Variants in RBPJ observed in about 807,000 individuals in gnomAD.
RBPJ encodes the protein recombination signal binding protein for immunoglobulin kappa J region.
RBPJ carries 9 observed loss-of-function variants against 67.8 expected under a neutral mutation model. The ratio of observed to expected loss-of-function variants is 0.13; its 90% CI spans 0.08 to 0.23. RBPJ has a LOEUF of 0.23. Ranked by LOEUF, RBPJ falls within the 10% of genes least tolerant of loss-of-function variation. RBPJ has a pLI of 1.00. For synonymous variants in RBPJ, 198 were observed against 203.3 expected (o/e 0.97, Z 0.22); for missense variants, 305 against 595.6 (o/e 0.51, Z 5.08).
intron 1 of RBPJ, among the ~76,000 whole-genome samples, chr4:26,342,522 C>T (rs1379481133): frequency 6.6e-6 from 1 of 152,190 alleles, no homozygotes; most frequent in East Asian, 1.9e-4. Flanking sequence ...AGCATTTCCC[C>T]TCCTCATTCC....
intron 1 of RBPJ, among the ~76,000 whole-genome samples, chr4:26,223,925 T>G (rs1718997847): frequency 6.6e-6 from 1 of 152,212 alleles, no homozygotes; most frequent in Admixed American, 6.5e-5. Context: ...CTCTATGACC[T>G]TGGCAAATTA....
At chr4:26,289,264 G>T (rs1019867202) in intron 1 of RBPJ, among the ~76,000 whole-genome samples, 2 of 149,184 alleles carry the variant, frequency 1.3e-5, no homozygotes. Flanking sequence ...GGGCACAGTG[G>T]CAGGTGCCTG....
chr4:26,368,398 T>C (rs1054996996), intron 1 of RBPJ, among the ~76,000 whole-genome samples: 2 of 152,192 alleles, frequency 1.3e-5, no homozygotes, highest in Non-Finnish European at 2.9e-5. Flanking sequence ...ATTGCTTTTT[T>C]TCCCCCTTAA....
intron 4 of RBPJ, among the ~76,000 whole-genome samples, chr4:26,417,094 CAG>C (rs1734668569): frequency 6.6e-6 from 1 of 152,174 alleles, no homozygotes; most frequent in African/African-American, 2.4e-5. Context: ...TAGGAAGTCT[CAG>C]AGTTATATGT....
chr4:26,256,605 C>A (rs953550987), intron 1 of RBPJ, among the ~76,000 whole-genome samples: 20 of 152,130 alleles, frequency 1.3e-4, no homozygotes, highest in African/African-American at 4.8e-4. Context: ...CTTACATCAT[C>A]CCTTATTTCA....
At chr4:26,134,016 G>A in the RBPJ span, among the ~76,000 whole-genome samples, 2 of 151,682 alleles carry the variant, frequency 1.3e-5, no homozygotes, top group Admixed American at 6.6e-5. Flanking sequence ...AGTTGAATAC[G>A]TTTATAAATC....
upstream of RBPJ, chr4:26,320,712 T>C (rs1223176460): frequency 2.6e-6 from 4 of 1,542,960 alleles, no homozygotes; most frequent in African/African-American, 4.1e-5. Context: ...TCCACGTACG[T>C]CCCTCAAAGC....
the RBPJ span, among the ~76,000 whole-genome samples, chr4:26,153,940 T>G: frequency 2.6e-5 from 4 of 151,908 alleles, no homozygotes; most frequent in Non-Finnish European, 2.9e-5. Context: ...AGAGTGAGAC[T>G]CCCTCTCAAA....
chr4:26,252,821 A>G (rs1336222291), intron 1 of RBPJ, among the ~76,000 whole-genome samples: 1 of 152,188 alleles, frequency 6.6e-6, no homozygotes, highest in Non-Finnish European at 1.5e-5. Context: ...GAATGCATTT[A>G]TAAATGTTTC....
chr4:26,426,689 CTT>C (rs1477294688), intron 7 of RBPJ, among the ~76,000 whole-genome samples: 1 of 152,110 alleles, frequency 6.6e-6, no homozygotes, highest in Non-Finnish European at 1.5e-5. Flanking sequence ...TCAGGGAAGT[CTT>C]TTTGAAGTCG....
upstream of RBPJ, among the ~76,000 whole-genome samples, chr4:26,160,958 T>G (rs1443072594): frequency 1.3e-5 from 2 of 152,216 alleles, no homozygotes; most frequent in African/African-American, 4.8e-5. Context: ...TACCAAATAC[T>G]AGCTCTGGAT....
upstream of RBPJ, among the ~76,000 whole-genome samples, chr4:26,315,167 A>AATATATATATAT (rs67496694): frequency 2.3e-4 from 17 of 74,756 alleles, no homozygotes; most frequent in African/African-American, 1.0e-3. Flanking sequence ...AAAAAAAAAA[A>AATATATATATAT]ATATATATAT....
At chr4:26,114,456 CAA>C in the RBPJ span, among the ~76,000 whole-genome samples, 34 of 90,904 alleles carry the variant, frequency 3.7e-4, no homozygotes, top group Admixed American at 6.3e-4. Context: ...AGACTCCTCT[CAA>C]AAAAAAAAAA....
chr4:26,340,853 G>A (rs550522787), intron 1 of RBPJ, among the ~76,000 whole-genome samples: 31 of 147,326 alleles, frequency 2.1e-4, no homozygotes, highest in African/African-American at 4.5e-4. Flanking sequence ...GTGAGACTCC[G>A]TCTCAAAAAA....
chr4:26,306,356 C>A (rs921702681), intron 1 of RBPJ, among the ~76,000 whole-genome samples: 1 of 151,672 alleles, frequency 6.6e-6, no homozygotes, highest in African/African-American at 2.4e-5. Context: ...GTTTGTCGAG[C>A]GTTTGCCAGT....
intron 1 of RBPJ, among the ~76,000 whole-genome samples, chr4:26,254,843 ATTTTTTTTTTTTTTTTTTTT>A (rs71643604): frequency 0.097 from 1,597 of 16,542 alleles, 27 homozygotes; most frequent in Admixed American, 0.15. Flanking sequence ...ATGCCCAGCT[ATTTTTTTTTTTTTTTTTTTT>A]TTTTTTTTTT....
upstream of RBPJ, chr4:26,320,999 G>C: frequency 6.2e-7 from 1 of 1,613,798 alleles, no homozygotes; most frequent in Non-Finnish European, 8.5e-7. Flanking sequence ...ATCTCGCGAG[G>C]GTTGGAGTTT....
intron 1 of RBPJ, among the ~76,000 whole-genome samples, chr4:26,287,573 GGAAAGGAC>G: frequency 2.4e-5 from 1 of 41,094 alleles, no homozygotes; most frequent in Admixed American, 2.7e-4. Flanking sequence ...GGAAAGGAAA[GGAAAGGAC>G]AGGAGAGGAG....
chr4:26,136,497 C>T, the RBPJ span, among the ~76,000 whole-genome samples: 1 of 152,168 alleles, frequency 6.6e-6, no homozygotes, highest in East Asian at 1.9e-4. Flanking sequence ...CAAGAGACTG[C>T]AGGGAAGTAA....
Sources: gnomAD v4.1 joint callset for allele counts (sites outside exome capture counted in the v4.1 genomes callset) on GRCh38, gnomAD v4.1.1 for gene constraint, MANE v1.5 for transcripts, NCBI Gene and HGNC (gene_info 2026-07-23, HGNC 2026-07-21) for gene names.